The following SNX29 variants were observed in gnomAD, a reference collection of about 807,000 sequenced individuals.
SNX29 encodes the protein sorting nexin-29.
Under a neutral mutation model 102.1 loss-of-function variants are expected in SNX29, and 78 were observed. The ratio of observed to expected loss-of-function variants is 0.76; its 90% CI spans 0.64 to 0.92. The LOEUF is 0.92. Among genes scored for constraint, SNX29 ranks in the 40% least tolerant of loss-of-function variants. SNX29 has a pLI of 0.00. For synonymous variants in SNX29, 580 were observed against 414.5 expected (o/e 1.40, Z -4.85); for missense variants, 1,280 against 1,061.7 (o/e 1.21, Z -2.86).
At chr16:12,539,929 T>A (rs1387733138) in intron 20 of SNX29, among the ~76,000 whole-genome samples, 1 of 152,166 alleles carries the variant, frequency 6.6e-6, no homozygotes, top group Non-Finnish European at 1.5e-5. Context: ...GTTCTTTGTA[T>A]ATGTTAGATG....
At chr16:12,352,094 T>G (rs2082005268) in intron 15 of SNX29, among the ~76,000 whole-genome samples, 1 of 152,158 alleles carries the variant, frequency 6.6e-6, no homozygotes. Context: ...ATTTAAAAAA[T>G]TTGATAGACT....
chr16:12,091,506 G>A (rs970283400), intron 11 of SNX29, among the ~76,000 whole-genome samples: 2 of 150,582 alleles, frequency 1.3e-5, no homozygotes, highest in African/African-American at 4.9e-5. Flanking sequence ...GACCCCAGAG[G>A]TTGGGTATCA....
At chr16:12,523,309 T>G (rs780386315) in intron 19 of SNX29, among the ~76,000 whole-genome samples, 1 of 152,238 alleles carries the variant, frequency 6.6e-6, no homozygotes. Context: ...TTTCCTCATC[T>G]GTTACGCGCC....
Position 12,403,478 on chromosome 16 carries a change from C to T in SNX29, c.1986C>T (p.Ile662=). The T allele has an allele frequency of 6.2e-7, 1 of 1,609,114 alleles. No individual in the cohort carries two copies. Among genetic ancestry groups the T allele is most frequent in the Non-Finnish European group, 8.5e-7 (1 of 1,177,722 alleles). Residue 662 remains isoleucine (I), a synonymous_variant, in exon 18 of 21, where the codon ATC becomes ATT. Transcript: ENST00000566228. ...ISNRALINVW[I]PSVFLRGKAA... is the part of the protein sequence containing the mutation. ...ACCGGGCGCTGATCAACGTCTGGAT[C>T]CCCTCAGTGTTTCTCCGGGGCAAAG...
Position 12,531,052 on chromosome 16 carries a change from G to C in SNX29, c.2318+6211G>C, listed in dbSNP as rs149328174. ...GCAGGTAGAGCTACAGGCTTGATGT[G>C]TAGAAGCCATTCTGGCTTAGAGGGT... is the stretch of plus-strand genomic sequence containing the variant. On this transcript the variant is annotated intron_variant, in intron 20 of 20. Transcript: ENST00000566228. Among the ~76,000 whole-genome samples, 425 of 152,368 alleles carry C rather than the reference G, an allele frequency of 2.8e-3. 3 individuals carry two copies. The highest frequency in any genetic ancestry group is 3.7e-3 in the Non-Finnish European group (251 of 68,034).
chr16:12,094,120 C>T lies in SNX29; in HGVS notation c.1402+15205C>T, dbSNP rs116792068. ...TAAGCTAACTGTGCCTCAGCGTTCT[C>T]GTCTATAAAATGGGGCTATCATAGT... On this transcript the variant is annotated intron_variant, in intron 11 of 20. Transcript: ENST00000566228. Among the ~76,000 whole-genome samples, 1,066 of 152,156 alleles carry T rather than the reference C, an allele frequency of 7.0e-3. 16 individuals are homozygous for T. The highest frequency in any genetic ancestry group is 0.024 in the African/African-American group (1,007 of 41,496).
intron 19 of SNX29, among the ~76,000 whole-genome samples, chr16:12,519,184 A>AC (rs1396593414): frequency 6.6e-6 from 1 of 152,186 alleles, no homozygotes; most frequent in Non-Finnish European, 1.5e-5. Context: ...ATGTTTCAGA[A>AC]CATTGCTCAG....
At chr16:12,443,212 A>T (rs1403408432) in intron 18 of SNX29, 1 of 339,918 alleles carries the variant, frequency 2.9e-6, no homozygotes, top group Non-Finnish European at 5.8e-6. Flanking sequence ...CCTGCTGGGG[A>T]CATGGCATTG....
chr16:12,171,069 G>T (rs888660735), intron 13 of SNX29, among the ~76,000 whole-genome samples: 1 of 152,012 alleles, frequency 6.6e-6, no homozygotes, highest in African/African-American at 2.4e-5. Flanking sequence ...CACTAGGCCC[G>T]GTGCTTGTTT....
At chr16:12,250,764 G>A (rs2078397667) in intron 14 of SNX29, among the ~76,000 whole-genome samples, 1 of 152,214 alleles carries the variant, frequency 6.6e-6, no homozygotes, top group Admixed American at 6.5e-5. Flanking sequence ...GTGGCTCAGG[G>A]CTGGCTTCCT....
chr16:12,096,870 G>A lies in SNX29; in HGVS notation c.1402+17955G>A, dbSNP rs891614174. ...TCCTTGCTCCCAGGAGGGGAAGGAG[G>A]AACCGATGACAGCAGGATGAATGTA... On this transcript the variant is annotated intron_variant, in intron 11 of 20. Transcript: ENST00000566228. The surrounding 1 kb of genome is among the most constrained non-coding windows in gnomAD (Gnocchi z 4.2). Among the ~76,000 whole-genome samples the A allele has an allele frequency of 6.6e-6, 1 of 152,174 alleles. No homozygotes were observed. Among genetic ancestry groups the A allele is most frequent in the Admixed American group, 6.5e-5 (1 of 15,268 alleles).
intron 13 of SNX29, among the ~76,000 whole-genome samples, chr16:12,169,384 G>A (rs765394778): frequency 2.4e-4 from 36 of 152,100 alleles, no homozygotes; most frequent in Non-Finnish European, 1.0e-4. Context: ...AGCTGATCAC[G>A]GGCTTCCTTT....
At chr16:12,112,719 C>G (rs890972016) in intron 11 of SNX29, among the ~76,000 whole-genome samples, 5 of 152,202 alleles carry the variant, frequency 3.3e-5, no homozygotes, top group Admixed American at 2.0e-4. Flanking sequence ...CCTTGAATGT[C>G]AAAACCCACT....
intron 19 of SNX29, among the ~76,000 whole-genome samples, chr16:12,521,429 T>C (rs2090097084): frequency 6.6e-6 from 1 of 152,018 alleles, no homozygotes; most frequent in Non-Finnish European, 1.5e-5. Context: ...ATTAGACTCA[T>C]GGATGGAATT....
intron 18 of SNX29, among the ~76,000 whole-genome samples, chr16:12,472,545 A>C (rs865787850): frequency 0.079 from 9,988 of 126,010 alleles, 425 homozygotes; most frequent in African/African-American, 0.15. Context: ...AAAAAAAAAC[A>C]AAAAAAAAAA....
At chr16:12,426,584 A>G (rs2151609740) in intron 18 of SNX29, among the ~76,000 whole-genome samples, 1 of 152,366 alleles carries the variant, frequency 6.6e-6, no homozygotes, top group Non-Finnish European at 1.5e-5. Context: ...TACGTAGCCA[A>G]TAAAAATGGT....
chr16:12,476,145 A>G (rs931485611), intron 18 of SNX29, among the ~76,000 whole-genome samples: 4 of 150,930 alleles, frequency 2.7e-5, no homozygotes, highest in Non-Finnish European at 4.4e-5. Context: ...ACATGGCAAA[A>G]CCTTGTCTCT....
chr16:12,079,812 T>C (rs2051773785), intron 11 of SNX29, among the ~76,000 whole-genome samples: 1 of 152,214 alleles, frequency 6.6e-6, no homozygotes, highest in South Asian at 2.1e-4. Flanking sequence ...ATAGCCATTT[T>C]AGCTCCAGCC....
At chr16:12,555,878 C>T (rs1003364972) in intron 20 of SNX29, among the ~76,000 whole-genome samples, 1 of 152,156 alleles carries the variant, frequency 6.6e-6, no homozygotes, top group African/African-American at 2.4e-5. Context: ...AGAGGCCGTG[C>T]TTTCTGCCCT....
Sources: gnomAD v4.1 joint callset for allele counts (sites outside exome capture counted in the v4.1 genomes callset) on GRCh38, gnomAD v4.1.1 for gene constraint, Gnocchi (gnomAD v3.1) non-coding constraint, MANE v1.5 for transcripts, NCBI Gene and HGNC (gene_info 2026-07-23, HGNC 2026-07-21) for gene names.